The following LUZP1 variants were observed in gnomAD, a reference collection of about 807,000 sequenced individuals.
LUZP1 encodes leucine zipper protein 1.
LUZP1 carries 25 observed loss-of-function variants against 71.3 expected under a neutral mutation model. The observed-to-expected ratio is 0.35, with a 90% CI of 0.26 to 0.49. The LOEUF (loss-of-function observed/expected upper bound fraction) is 0.49, where lower values mean the gene tolerates loss of function less well. Ranked by LOEUF, LUZP1 falls within the 20% of genes least tolerant of loss-of-function variation. LUZP1 has a pLI of 0.99. For synonymous variants in LUZP1, 481 were observed against 506.4 expected (o/e 0.95, Z 0.67); for missense variants, 1,142 against 1,300.8 (o/e 0.88, Z 1.88).
intron 2 of LUZP1, among the ~76,000 whole-genome samples, chr1:23,144,490 A>G (rs1485948021): frequency 6.6e-6 from 1 of 152,258 alleles, no homozygotes; most frequent in Non-Finnish European, 1.5e-5. Flanking sequence ...AACAACTCAC[A>G]TAACACCAAC....
intron 1 of LUZP1, among the ~76,000 whole-genome samples, chr1:23,171,645 G>C (rs1308851542): frequency 6.6e-6 from 1 of 152,162 alleles, no homozygotes; most frequent in Non-Finnish European, 1.5e-5. Context: ...CAGGCACATG[G>C]GTGTCCTGAA....
chr1:23,087,203 C>G (rs1643779707), exon 5 of LUZP1: 1 of 152,222 alleles, frequency 6.6e-6, no homozygotes. Flanking sequence ...AATCCCTTCA[C>G]ACTTTGCAGA....
intron 2 of LUZP1, among the ~76,000 whole-genome samples, chr1:23,120,273 A>G (rs1036889813): frequency 6.6e-6 from 1 of 152,026 alleles, no homozygotes; most frequent in Non-Finnish European, 1.5e-5. Flanking sequence ...GCCCAGAATC[A>G]TCTGAAATTC....
chr1:23,089,844 T>C (rs1643827466), intron 4 of LUZP1, among the ~76,000 whole-genome samples: 1 of 151,700 alleles, frequency 6.6e-6, no homozygotes, highest in African/African-American at 2.4e-5. Flanking sequence ...CACTGCAACC[T>C]CCGCCTCCTG....
chr1:23,106,415 G>A (rs373301722), intron 3 of LUZP1, among the ~76,000 whole-genome samples: 5 of 152,052 alleles, frequency 3.3e-5, no homozygotes, highest in Admixed American at 6.6e-5. Flanking sequence ...GACCAGCCTC[G>A]GCAACATGGT....
intron 2 of LUZP1, among the ~76,000 whole-genome samples, chr1:23,148,254 T>C (rs1644358200): frequency 6.6e-6 from 1 of 152,122 alleles, no homozygotes; most frequent in Admixed American, 6.6e-5. Flanking sequence ...AATAATTCCA[T>C]TTCTTGTCAG....
At chr1:23,121,645 C>CTGA (rs1644130493) in intron 2 of LUZP1, among the ~76,000 whole-genome samples, 40 of 152,094 alleles carry the variant, frequency 2.6e-4, no homozygotes, top group Admixed American at 2.6e-3. Context: ...GCTTAAGCCC[C>CTGA]AGAGGTCAAG....
At chr1:23,087,777 C>G (rs1006816290) in exon 5 of LUZP1, 2 of 152,648 alleles carry the variant, frequency 1.3e-5, no homozygotes, top group Non-Finnish European at 2.9e-5. Flanking sequence ...CTGAGGCCCT[C>G]AATGCGTATG....
chr1:23,090,276 GATA>G (rs1018750127), intron 4 of LUZP1, among the ~76,000 whole-genome samples: 24 of 152,156 alleles, frequency 1.6e-4, no homozygotes, highest in African/African-American at 5.3e-4. Context: ...GAAAAATGGG[GATA>G]ATATCTGCCC....
At chr1:23,123,760 T>C (rs138738437) in intron 2 of LUZP1, among the ~76,000 whole-genome samples, 115 of 152,192 alleles carry the variant, frequency 7.6e-4, no homozygotes, top group African/African-American at 2.1e-3. Context: ...AAATTAACCA[T>C]AGACTTTGAA....
chr1:23,088,570 T>C (rs141767105), exon 5 of LUZP1: 239 of 207,960 alleles, frequency 1.1e-3, no homozygotes, highest in Middle Eastern at 7.0e-3. Context: ...CCGAGAAGAA[T>C]TTTTGACTCC....
intron 2 of LUZP1, among the ~76,000 whole-genome samples, chr1:23,135,878 A>G (rs183292558): frequency 3.0e-4 from 46 of 152,218 alleles, no homozygotes; most frequent in African/African-American, 1.1e-3. Flanking sequence ...AGAAGCTGGT[A>G]AATTCTTGAT....
chr1:23,133,432 T>C (rs1274420683), intron 2 of LUZP1: 1 of 152,126 alleles, frequency 6.6e-6, no homozygotes, highest in African/African-American at 2.4e-5. Context: ...CAAAGGGAAG[T>C]AGGGATCCCT....
intron 4 of LUZP1, among the ~76,000 whole-genome samples, chr1:23,089,949 G>A (rs1183555375): frequency 1.3e-5 from 2 of 152,198 alleles, no homozygotes; most frequent in Non-Finnish European, 2.9e-5. Flanking sequence ...TAGTAGAGAC[G>A]GGGTTTCACT....
At position 23,093,260 on chromosome 1, in the gene LUZP1, TTTG is replaced by T; in HGVS notation, c.999_1001del (p.Asn333del). On this transcript the variant is annotated inframe_deletion, in exon 4 of 5. Coordinates refer to ENST00000302291, the Ensembl canonical transcript of LUZP1. The surrounding 1 kb of genome is among the most constrained non-coding windows in gnomAD (Gnocchi z 4.2). ...TCTCCTCCAGTTGGCTGGCTAATAA[TTTG>T]TTTTTATTTTGTTCACTTAGGTAAT... 6.2e-7 allele frequency: 1 copy of T among 1,612,424 alleles called. No homozygotes were observed. The highest frequency in any genetic ancestry group is 8.5e-7 in the Non-Finnish European group (1 of 1,179,620).
chr1:23,121,123 G>A (rs1421500298), intron 2 of LUZP1, among the ~76,000 whole-genome samples: 1 of 152,058 alleles, frequency 6.6e-6, no homozygotes, highest in Admixed American at 6.5e-5. Flanking sequence ...TATAAACAAA[G>A]CTAAAAAAAT....
chr1:23,149,075 T>G, intron 2 of LUZP1, among the ~76,000 whole-genome samples: 1 of 90,038 alleles, frequency 1.1e-5, no homozygotes, highest in African/African-American at 5.7e-5. Context: ...AGTGACACCT[T>G]GCCTAAAAAA....
chr1:23,146,913 T>C (rs1037739420), intron 2 of LUZP1, among the ~76,000 whole-genome samples: 1 of 149,832 alleles, frequency 6.7e-6, no homozygotes, highest in African/African-American at 2.5e-5. Flanking sequence ...CTGGCTAACA[T>C]GGTGAAACCC....
At chr1:23,099,672 G>C (rs955779954) in intron 3 of LUZP1, among the ~76,000 whole-genome samples, 4 of 152,146 alleles carry the variant, frequency 2.6e-5, no homozygotes, top group African/African-American at 9.7e-5. Context: ...TTGGCTTTTA[G>C]TGCCAATTTT....
Sources: gnomAD v4.1 joint callset for allele counts (sites outside exome capture counted in the v4.1 genomes callset) on GRCh38, gnomAD v4.1.1 for gene constraint, Gnocchi (gnomAD v3.1) non-coding constraint, MANE v1.5 for transcripts, NCBI Gene and HGNC (gene_info 2026-07-23, HGNC 2026-07-21) for gene names.